The following CA10 variants were observed in gnomAD, a reference collection of about 807,000 sequenced individuals.
The protein encoded by CA10 is carbonic anhydrase 10 (inactive).
Under a neutral mutation model 44.2 loss-of-function variants are expected in CA10, and 14 were observed. The observed-to-expected ratio is 0.32, with a 90% CI of 0.21 to 0.50. The LOEUF is 0.50. Ranked by LOEUF, CA10 falls within the 20% of genes least tolerant of loss-of-function variation. CA10 has a pLI of 0.99. For missense variants in CA10, 350 were observed against 409.7 expected, an observed-to-expected ratio of 0.85 and a Z score of 1.26; for synonymous variants, 159 against 141.6, an observed-to-expected ratio of 1.12 and a Z score of -0.87.
At chr17:51,723,399 T>C (rs1314922489) in intron 4 of CA10, among the ~76,000 whole-genome samples, 2 of 152,142 alleles carry the variant, frequency 1.3e-5, no homozygotes, top group East Asian at 1.9e-4. Context: ...GGATTCCGTA[T>C]GAGAAACGTG....
chr17:51,797,973 T>C (rs1467685099), intron 3 of CA10, among the ~76,000 whole-genome samples: 2 of 151,552 alleles, frequency 1.3e-5, no homozygotes, highest in African/African-American at 4.8e-5. Context: ...CACCCCTCCC[T>C]GTAGTTTTTA....
intron 3 of CA10, among the ~76,000 whole-genome samples, chr17:51,912,501 G>GA (rs1227783153): frequency 2.0e-5 from 3 of 152,076 alleles, no homozygotes; most frequent in East Asian, 3.9e-4. Context: ...AAGAAAAAAA[G>GA]AAAAAAACTT....
chr17:51,787,147 G>T (rs938511264), intron 3 of CA10, among the ~76,000 whole-genome samples: 1 of 152,138 alleles, frequency 6.6e-6, no homozygotes, highest in Non-Finnish European at 1.5e-5. Flanking sequence ...TCTTTGATGT[G>T]TCTTTGTCTG....
chr17:51,955,190 C>A (rs1054312137), intron 2 of CA10, among the ~76,000 whole-genome samples: 2 of 152,138 alleles, frequency 1.3e-5, no homozygotes, highest in Admixed American at 6.6e-5. Flanking sequence ...TGGTTTCCTA[C>A]TGCTCCTTCA....
At chr17:52,082,915 T>C (rs951006374) in intron 1 of CA10, among the ~76,000 whole-genome samples, 3 of 152,212 alleles carry the variant, frequency 2.0e-5, no homozygotes. Flanking sequence ...TATAGATTTA[T>C]TCTCTGTAAA....
At chr17:51,790,422 A>T (rs369317052) in intron 3 of CA10, among the ~76,000 whole-genome samples, 1 of 152,194 alleles carries the variant, frequency 6.6e-6, no homozygotes, top group East Asian at 1.9e-4. Context: ...GGTTGGGATT[A>T]TACCTCTTGC....
At chr17:52,022,677 T>C (rs1158783198) in intron 2 of CA10, among the ~76,000 whole-genome samples, 1 of 152,126 alleles carries the variant, frequency 6.6e-6, no homozygotes, top group Non-Finnish European at 1.5e-5. Context: ...TATCTTTCTT[T>C]GCTGATGACA....
At chr17:51,932,286 C>T (rs1982696783) in intron 2 of CA10, among the ~76,000 whole-genome samples, 2 of 152,058 alleles carry the variant, frequency 1.3e-5, no homozygotes, top group East Asian at 1.9e-4. Flanking sequence ...CTTAAATGGA[C>T]CTGTCCTCTC....
intron 3 of CA10, among the ~76,000 whole-genome samples, chr17:51,802,028 T>A (rs898176862): frequency 6.6e-6 from 1 of 152,144 alleles, no homozygotes; most frequent in African/African-American, 2.4e-5. Flanking sequence ...AGACGGCAAA[T>A]AGCATTATTC....
At chr17:52,102,725 A>C (rs1450991679) in intron 1 of CA10, among the ~76,000 whole-genome samples, 2 of 152,200 alleles carry the variant, frequency 1.3e-5, no homozygotes, top group Non-Finnish European at 2.9e-5. Context: ...TTCATGAGTC[A>C]CTGTTTGCCC....
chr17:51,942,265 C>A (rs539753910), intron 2 of CA10, among the ~76,000 whole-genome samples: 2 of 152,032 alleles, frequency 1.3e-5, no homozygotes, highest in Non-Finnish European at 2.9e-5. Flanking sequence ...GAGAAATAAT[C>A]TTCATGCTGC....
chr17:51,909,202 T>G (rs1048413388), intron 3 of CA10, among the ~76,000 whole-genome samples: 1 of 152,156 alleles, frequency 6.6e-6, no homozygotes, highest in Non-Finnish European at 1.5e-5. Flanking sequence ...TCCTAGCCTC[T>G]GTTAAAGACA....
chr17:51,756,002 T>C (rs1376018693), intron 3 of CA10, among the ~76,000 whole-genome samples: 1 of 152,202 alleles, frequency 6.6e-6, no homozygotes, highest in Non-Finnish European at 1.5e-5. Context: ...CCCTGTTCAC[T>C]GGTAACATAG....
At chr17:51,960,949 G>A (rs2144050320) in intron 2 of CA10, among the ~76,000 whole-genome samples, 1 of 152,250 alleles carries the variant, frequency 6.6e-6, no homozygotes, top group South Asian at 2.1e-4. Context: ...CATGATTACT[G>A]TATAATTATT....
chr17:51,765,153 G>T (rs1905326091), intron 3 of CA10, among the ~76,000 whole-genome samples: 1 of 152,126 alleles, frequency 6.6e-6, no homozygotes, highest in African/African-American at 2.4e-5. Context: ...TGGGGTTGGG[G>T]GGAGAAGGGG....
intron 2 of CA10, among the ~76,000 whole-genome samples, chr17:51,973,022 G>C (rs1190610792): frequency 6.6e-6 from 1 of 152,094 alleles, no homozygotes; most frequent in Non-Finnish European, 1.5e-5. Flanking sequence ...CAATTGATGA[G>C]GCAGCATTCT....
chr17:51,897,449 G>T (rs568841980), intron 3 of CA10, among the ~76,000 whole-genome samples: 8 of 152,246 alleles, frequency 5.3e-5, no homozygotes, highest in African/African-American at 1.9e-4. Context: ...CTTGCACCAT[G>T]CTGTTTTGGT....
intron 1 of CA10, among the ~76,000 whole-genome samples, chr17:52,093,477 A>G (rs745829939): frequency 2.6e-5 from 4 of 151,788 alleles, no homozygotes; most frequent in Non-Finnish European, 4.4e-5. Context: ...AATTGAAACA[A>G]CTCTTCCTCT....
chr17:52,157,639 C>T (rs1989835645), intron 1 of CA10, 87 bp downstream of exon 1: 2 of 1,226,674 alleles, frequency 1.6e-6, no homozygotes, highest in Non-Finnish European at 2.4e-6. Context: ...CCTCTCTCTG[C>T]CCCGCGGCTA....
Sources: gnomAD v4.1 joint callset for allele counts (sites outside exome capture counted in the v4.1 genomes callset) on GRCh38, gnomAD v4.1.1 for gene constraint, MANE v1.5 for transcripts, NCBI Gene and HGNC (gene_info 2026-07-23, HGNC 2026-07-21) for gene names.